TMED10: variants seen among roughly 807,000 people sequenced by gnomAD.
The protein encoded by TMED10 is transmembrane emp24 domain-containing protein 10.
In TMED10, 7 loss-of-function variants were observed where a neutral mutation model predicts 23.1. That is an observed-to-expected ratio of 0.30 (90% CI 0.17 to 0.57). The LOEUF is 0.57. Ranked by LOEUF, TMED10 falls within the 20% of genes least tolerant of loss-of-function variation. The pLI is 0.91. For missense variants in TMED10, 162 were observed against 274.8 expected (o/e 0.59, Z 2.90); for synonymous variants, 113 against 106.9 (o/e 1.06, Z -0.35).
At chr14:75,136,938 T>C (rs1895757564) in intron 3 of TMED10, 1 of 152,046 alleles carries the variant, frequency 6.6e-6, no homozygotes, top group African/African-American at 2.4e-5. Context: ...AGCAAAGATG[T>C]CATTATTGTT....
At chr14:75,171,544 C>T (rs1371862700) in intron 1 of TMED10, among the ~76,000 whole-genome samples, 2 of 152,024 alleles carry the variant, frequency 1.3e-5, no homozygotes, top group African/African-American at 2.4e-5. Context: ...CCTCCCAAAG[C>T]GTTGGGATTA....
At chr14:75,143,728 G>A (rs1895850310) in intron 3 of TMED10, among the ~76,000 whole-genome samples, 1 of 152,170 alleles carries the variant, frequency 6.6e-6, no homozygotes, top group South Asian at 2.1e-4. Context: ...GAGGTCAGGA[G>A]TTGGAGACCA....
intron 1 of TMED10, among the ~76,000 whole-genome samples, chr14:75,154,272 G>A (rs1376408108): frequency 2.0e-5 from 3 of 149,164 alleles, no homozygotes; most frequent in Non-Finnish European, 3.0e-5. Flanking sequence ...AGTGGTATTG[G>A]GCGCCTGTAA....
At chr14:75,168,299 T>C (rs1184535027) in intron 1 of TMED10, among the ~76,000 whole-genome samples, 2 of 152,208 alleles carry the variant, frequency 1.3e-5, no homozygotes, top group African/African-American at 4.8e-5. Context: ...CTTGAGGACC[T>C]TGTCCCGTTT....
In TMED10 at chr14:75,140,185, A is replaced by C. The variant is rs186541062; in HGVS notation, c.412-4299T>G. Among the ~76,000 whole-genome samples the C allele has an allele frequency of 5.6e-3, 853 of 152,144 alleles. 6 individuals are homozygous for C. The highest frequency in any genetic ancestry group is 0.02 in the African/African-American group (825 of 41,528). On this transcript the variant is annotated intron_variant, in intron 3 of 4. Coordinates refer to ENST00000303575, the MANE Select transcript of TMED10 (RefSeq NM_006827.6). ...CTGTTGTTTATTCTTTTTGAGATGG[A>C]CTCTTGCTCTGTCACCCAGATTCTC...
At chr14:75,138,902 T>TAA (rs754396746) in intron 3 of TMED10, among the ~76,000 whole-genome samples, 8 of 149,760 alleles carry the variant, frequency 5.3e-5, no homozygotes, top group Non-Finnish European at 1.0e-4. Context: ...ATGATGGAAT[T>TAA]AAACCTGGTA....
chr14:75,142,132 T>C (rs1278114404), intron 3 of TMED10, among the ~76,000 whole-genome samples: 1 of 152,222 alleles, frequency 6.6e-6, no homozygotes, highest in African/African-American at 2.4e-5. Context: ...CTCTCCTTCA[T>C]CACTGGAAGC....
chr14:75,136,346 A>G (rs924423817), intron 3 of TMED10, among the ~76,000 whole-genome samples: 1 of 152,030 alleles, frequency 6.6e-6, no homozygotes, highest in Non-Finnish European at 1.5e-5. Context: ...TTTTCTAGAG[A>G]TGGGGTTTTG....
intron 1 of TMED10, among the ~76,000 whole-genome samples, chr14:75,169,466 T>C (rs1216152376): frequency 3.3e-5 from 5 of 152,020 alleles, no homozygotes; most frequent in Middle Eastern, 3.2e-3. Context: ...GAGACCAACC[T>C]GGACAATATT....
chr14:75,167,095 C>A (rs76711987), intron 1 of TMED10, among the ~76,000 whole-genome samples: 16,238 of 152,024 alleles, frequency 0.11, 1,009 homozygotes, highest in African/African-American at 0.16. Flanking sequence ...GTGCACACTA[C>A]CACGCCTGGC....
At position 75,152,146 on chromosome 14, in the gene TMED10, A is replaced by G; in HGVS notation, c.226-3T>C. 1 of 1,611,392 alleles carries G rather than the reference A, an allele frequency of 6.2e-7. No homozygotes were observed. Among genetic ancestry groups the G allele is most frequent in the South Asian group, 1.1e-5 (1 of 90,938 alleles). On this transcript the variant is annotated splice_polypyrimidine_tract_variant and splice_region_variant and intron_variant, in intron 1 of 4. Coordinates refer to ENST00000303575, the MANE Select transcript of TMED10 (RefSeq NM_006827.6). ...ATATGGCCAGCAGAATCTGTGATCT[A>G]AAATAAGAAAAGTAGTAAGAATAGG...
intron 1 of TMED10, among the ~76,000 whole-genome samples, chr14:75,166,929 C>T (rs1311686618): frequency 2.0e-5 from 3 of 148,422 alleles, no homozygotes; most frequent in Non-Finnish European, 4.4e-5. Flanking sequence ...GAGCAACATG[C>T]ATCCTATTCC....
intron 3 of TMED10, among the ~76,000 whole-genome samples, chr14:75,142,833 AG>A (rs1895838907): frequency 6.6e-6 from 1 of 152,032 alleles, no homozygotes; most frequent in Non-Finnish European, 1.5e-5. Context: ...GTATACTAAA[AG>A]CACTCTGCAT....
At chr14:75,166,144 G>GTTAT (rs1566675670) in intron 1 of TMED10, among the ~76,000 whole-genome samples, 1 of 151,552 alleles carries the variant, frequency 6.6e-6, no homozygotes, top group Non-Finnish European at 1.5e-5. Context: ...AACCTCCAGC[G>GTTAT]TGACCCTTTC....
At chr14:75,142,103 A>AG (rs1407239543) in intron 3 of TMED10, among the ~76,000 whole-genome samples, 2 of 152,226 alleles carry the variant, frequency 1.3e-5, no homozygotes, top group Admixed American at 1.3e-4. Context: ...TCATGAAGGC[A>AG]GGCTGGTATT....
Position 75,176,365 on chromosome 14 carries a change from C to A in TMED10, c.215G>T (p.Ser72Ile). 1 of 1,614,206 alleles carries A rather than the reference C, an allele frequency of 6.2e-7. No individual in the cohort carries two copies. Among genetic ancestry groups the A allele is most frequent in the Non-Finnish European group, 8.5e-7 (1 of 1,180,014 alleles). Residue 72 changes from serine (S) to isoleucine (I), a missense_variant, in exon 1 of 5, where the codon AGC becomes ATC. By Grantham distance (142) the Ser-to-Ile change is moderately radical. Coordinates refer to ENST00000303575, the MANE Select transcript of TMED10 (RefSeq NM_006827.6). ...DQSGGAGGLR[S>I]HLKITDSAGH... ...CGCCCAATGCCGCACCTTGAGGTGG[C>A]TGCGCAGGCCGCCAGCGCCCCCAGA...
intron 1 of TMED10, chr14:75,175,936 A>AT (rs1896299514): frequency 4.3e-6 from 1 of 231,128 alleles, no homozygotes; most frequent in African/African-American, 2.4e-5. Context: ...AATAAATAAC[A>AT]TTTTATTAAT....
intron 3 of TMED10, among the ~76,000 whole-genome samples, chr14:75,147,280 C>T (rs913556614): frequency 6.6e-6 from 1 of 151,330 alleles, no homozygotes; most frequent in African/African-American, 2.4e-5. Flanking sequence ...CCTCTGCCCC[C>T]CAGGTTCCAG....
At chr14:75,150,927 G>C (rs941990351) in intron 2 of TMED10, among the ~76,000 whole-genome samples, 4 of 152,198 alleles carry the variant, frequency 2.6e-5, no homozygotes, top group Admixed American at 2.0e-4. Flanking sequence ...TTTTGAGACA[G>C]AGTCTCGCTC....
Sources: gnomAD v4.1 joint callset for allele counts (sites outside exome capture counted in the v4.1 genomes callset) on GRCh38, gnomAD v4.1.1 for gene constraint, MANE v1.5 for transcripts, NCBI Gene and HGNC (gene_info 2026-07-23, HGNC 2026-07-21) for gene names.